The following HMCN1 variants were observed in gnomAD, a reference collection of about 807,000 sequenced individuals.
The protein encoded by HMCN1 is hemicentin 1, also known as hemicentin-1.
In HMCN1, 321 loss-of-function variants were observed where a neutral mutation model predicts 625.9. That is an observed-to-expected ratio of 0.51 (90% confidence interval 0.47 to 0.56). The LOEUF (loss-of-function observed/expected upper bound fraction) is 0.56, where lower values mean the gene tolerates loss of function less well. Among genes scored for constraint, HMCN1 ranks in the 20% least tolerant of loss-of-function variants. The probability of loss-of-function intolerance (pLI) is 0.00; values close to 1 mark genes in which losing one functional copy is unlikely to be tolerated. For missense variants in HMCN1, 6,588 were observed against 6,887.3 expected (o/e 0.96, Z 1.54); for synonymous variants, 2,425 against 2,417.6 (o/e 1.00, Z -0.09).
intron 1 of HMCN1, among the ~76,000 whole-genome samples, chr1:185,819,627 C>T (rs968438000): frequency 1.7e-4 from 26 of 152,190 alleles, no homozygotes; most frequent in Non-Finnish European, 2.4e-4. Flanking sequence ...TCTTTGATTA[C>T]AGTAGTTTTC....
At chr1:185,909,660 A>G in intron 5 of HMCN1, 152 bp downstream of exon 5, 1 of 723,478 alleles carries the variant, frequency 1.4e-6, no homozygotes, top group Non-Finnish European at 2.3e-6. Flanking sequence ...AAAATGTAAC[A>G]TTTTGAAAGT....
chr1:186,153,936 A>G lies in HMCN1; in HGVS notation c.15205A>G (p.Asn5069Asp). 1 of 1,614,156 alleles carries G rather than the reference A, an allele frequency of 6.2e-7. No individual in the cohort carries two copies. The highest frequency in any genetic ancestry group is 8.5e-7 in the Non-Finnish European group (1 of 1,179,990). ...LHASSVESDY[N>D]QIEETLGFKI... ...TGCATCCTCTGTGGAATCTGACTAT[A>G]ACCAGATAGAAGAGACACTGGGTTT... Residue 5069 changes from asparagine to aspartate, a missense_variant, in exon 97 of 107, where the codon AAC (asparagine) becomes GAC (aspartate). By Grantham distance (23) the Asn-to-Asp change is conservative (BLOSUM62 1). This residue lies in a region of HMCN1 where 1,954 missense variants were observed against 2,013.1 expected (regional missense o/e 0.97). Coordinates refer to ENST00000271588, the MANE Select transcript of HMCN1 (RefSeq NM_031935.3).
chr1:186,113,952 AT>A lies in HMCN1; in HGVS notation c.11132-21del, dbSNP rs769505315. The A allele has an allele frequency of 1.2e-3, 1,939 of 1,613,782 alleles. 8 individuals are homozygous for A. Among genetic ancestry groups the A allele is most frequent in the Non-Finnish European group, 1.0e-3 (1,194 of 1,179,766 alleles). On this transcript the variant is annotated intron_variant, in intron 72 of 106. Coordinates refer to ENST00000271588, the MANE Select transcript of HMCN1 (RefSeq NM_031935.3). ...AGGCTGTATTATTTAGTCTCACTGA[AT>A]TTTTTCATGTGTATCTCTTGTTCAG...
Position 186,062,550 on chromosome 1 carries a change from A to G in HMCN1, c.7463A>G (p.Asp2488Gly), listed in dbSNP as rs1558187249. 9 of 1,612,722 alleles carry G rather than the reference A, an allele frequency of 5.6e-6. No individual in the cohort carries two copies. Among genetic ancestry groups the G allele is most frequent in the Non-Finnish European group, 7.6e-6 (9 of 1,178,926 alleles). ...ATTGTGGGTGAAAATACATTGGAAG[A>G]TGTGAAGGTAAAAGAGAAACAGAGT... ...PHIVGENTLE[D>G]VKVKEKQSVT... is the part of the protein sequence containing the mutation. Residue 2488 changes from aspartate to glycine, a missense_variant, in exon 48 of 107, where the codon GAT (aspartate) becomes GGT (glycine). Coordinates refer to ENST00000271588, the MANE Select transcript of HMCN1 (RefSeq NM_031935.3).
chr1:186,052,711 G>T (rs1001825100), intron 42 of HMCN1, among the ~76,000 whole-genome samples: 1 of 151,950 alleles, frequency 6.6e-6, no homozygotes, highest in Non-Finnish European at 1.5e-5. Flanking sequence ...TTATAATAAA[G>T]TAGCTTCTTT....
chr1:185,819,724 G>C (rs1219661305), intron 1 of HMCN1, among the ~76,000 whole-genome samples: 1 of 152,084 alleles, frequency 6.6e-6, no homozygotes, highest in African/African-American at 2.4e-5. Context: ...GAAAGAAACA[G>C]TCTTATAAGA....
At position 186,137,949 on chromosome 1, in the gene HMCN1, T is replaced by C. The variant is rs1252172741; in HGVS notation, c.13901T>C (p.Met4634Thr). The stretch of plus-strand genomic sequence containing the variant: ...GAAGGGAATGCTGTGGAAATAATTA[T>C]GTGCAACATTAGGCCTTGCCCAGGT... The part of the protein sequence containing the change: ...PCEGNAVEII[M>T]CNIRPCPVHG... The change falls in exon 89 of 107, where the codon ATG (methionine) becomes ACG (threonine). Residue 4634 changes from methionine (M) to threonine (T), a missense_variant. Physicochemically the swap from Met to Thr is moderately conservative, Grantham distance 81 (BLOSUM62 -1). Coordinates refer to ENST00000271588, the MANE Select transcript of HMCN1 (RefSeq NM_031935.3). 6.2e-7 allele frequency: 1 copy of C among 1,614,030 alleles called. No homozygotes were observed. The highest frequency in any genetic ancestry group is 8.5e-7 in the Non-Finnish European group (1 of 1,179,944).
intron 30 of HMCN1, among the ~76,000 whole-genome samples, chr1:186,012,107 A>G (rs934613901): frequency 2.2e-5 from 3 of 137,728 alleles, no homozygotes; most frequent in Admixed American, 7.5e-5. Context: ...ATTTAACACT[A>G]CTGGTTCAAT....
intron 49 of HMCN1, among the ~76,000 whole-genome samples, chr1:186,066,010 T>G (rs528698670): frequency 6.6e-6 from 1 of 152,128 alleles, no homozygotes; most frequent in Non-Finnish European, 1.5e-5. Context: ...ATTTGTATAG[T>G]TGTTTGTTTT....
intron 1 of HMCN1, among the ~76,000 whole-genome samples, chr1:185,758,396 G>A (rs1051856131): frequency 6.6e-6 from 1 of 152,210 alleles, no homozygotes; most frequent in African/African-American, 2.4e-5. Context: ...AGCACTTTGG[G>A]AGGCCAAGGT....
At chr1:186,081,833 A>G (rs1276061691) in intron 56 of HMCN1, among the ~76,000 whole-genome samples, 3 of 152,200 alleles carry the variant, frequency 2.0e-5, no homozygotes, top group Admixed American at 2.0e-4. Context: ...TTGTTTACCA[A>G]TGGTGTGTCC....
At chr1:186,137,382 G>T in intron 87 of HMCN1, 116 bp from the exon 88 acceptor site, 1 of 1,187,188 alleles carries the variant, frequency 8.4e-7, no homozygotes, top group Non-Finnish European at 1.2e-6. Flanking sequence ...GCTTCCATAC[G>T]CTATTTCTCA....
intron 63 of HMCN1, among the ~76,000 whole-genome samples, chr1:186,089,528 A>C (rs1466536521): frequency 6.6e-6 from 1 of 152,024 alleles, no homozygotes; most frequent in African/African-American, 2.4e-5. Context: ...CTCTGTGATG[A>C]TTAGTGATGC....
chr1:185,795,175 C>G lies in HMCN1; in HGVS notation c.269-50851C>G, dbSNP rs766587744. 7.2e-5 allele frequency among the ~76,000 whole-genome samples: 11 copies of G among 152,244 alleles called. No homozygotes were observed. The South Asian group carries it at 2.3e-3, about 32-fold the overall frequency. On this transcript the variant is annotated intron_variant, in intron 1 of 106. Transcript: ENST00000271588. ...GTTTTAAAGGTGGAGTGGTCATAGT[C>G]GAGCTTGTGAAATTTCTTTCCCATA...
At chr1:186,026,673 AC>A (rs1219138538) in intron 36 of HMCN1, among the ~76,000 whole-genome samples, 1 of 152,056 alleles carries the variant, frequency 6.6e-6, no homozygotes, top group Non-Finnish European at 1.5e-5. Context: ...TCACTCTGTC[AC>A]CCAAGTTGGA....
chr1:185,743,465 T>C (rs1388867289), intron 1 of HMCN1, among the ~76,000 whole-genome samples: 4 of 152,170 alleles, frequency 2.6e-5, no homozygotes, highest in Admixed American at 6.5e-5. Flanking sequence ...GGTGATTTTG[T>C]TGGGGATTTA....
chr1:185,840,996 A>G (rs759705167), intron 1 of HMCN1, among the ~76,000 whole-genome samples: 4 of 152,220 alleles, frequency 2.6e-5, no homozygotes, highest in Non-Finnish European at 5.9e-5. Context: ...AGTAGCAGAA[A>G]TCTGTAAGTG....
At chr1:186,143,170 A>G (rs1222298008) in intron 89 of HMCN1, among the ~76,000 whole-genome samples, 3 of 152,198 alleles carry the variant, frequency 2.0e-5, no homozygotes, top group Non-Finnish European at 2.9e-5. Flanking sequence ...GAAACCCATT[A>G]ACTATAAGAA....
rs200327975 is a variant in HMCN1 at position 186,069,738 on chromosome 1, C to T, written c.7955C>T (p.Ala2652Val). ...GRYSCVATNE[A>V]GEMIKHYEVK... is the part of the protein sequence containing the mutation. ...TACTCTTGTGTAGCCACGAATGAGGCTGGAGAAATGATAAAGCACTATGAA... is the reference window on the plus strand; with the variant it reads ...TACTCTTGTGTAGCCACGAATGAGGTTGGAGAAATGATAAAGCACTATGAA... The change falls in exon 51 of 107, where the codon GCT (alanine) becomes GTT (valine). Residue 2652 changes from alanine to valine, a missense_variant. Ala to Val is a moderately conservative substitution (Grantham distance 64, BLOSUM62 0). Coordinates refer to ENST00000271588, the MANE Select transcript of HMCN1 (RefSeq NM_031935.3). The T allele has an allele frequency of 1.5e-4, 244 of 1,613,352 alleles. 3 individuals are homozygous for T. The East Asian group carries it at 5.3e-3, about 35-fold the overall frequency.
Sources: allele counts gnomAD v4.1 joint callset (sites outside exome capture counted in the v4.1 genomes callset), GRCh38; gene constraint gnomAD v4.1.1; regional missense constraint gnomAD v4.1.1; transcripts MANE v1.5; gene names NCBI Gene and HGNC (gene_info 2026-07-23, HGNC 2026-07-21).